The following MICU1 variants were observed in gnomAD, a reference collection of about 807,000 sequenced individuals.
MICU1 encodes calcium uptake protein 1, mitochondrial.
MICU1 carries 45 observed loss-of-function variants against 56.8 expected under a neutral mutation model. That is an observed-to-expected ratio of 0.79 (90% CI 0.62 to 1.02). The LOEUF (loss-of-function observed/expected upper bound fraction) is 1.02, where lower values mean the gene tolerates loss of function less well. Among genes scored for constraint, MICU1 ranks in the 50% least tolerant of loss-of-function variants. The pLI, the probability that MICU1 is intolerant of heterozygous loss-of-function variation, is 0.00. For synonymous variants in MICU1, 186 were observed against 195.1 expected (o/e 0.95, Z 0.39); for missense variants, 504 against 587.1 (o/e 0.86, Z 1.46).
intron 4 of MICU1, among the ~76,000 whole-genome samples, chr10:72,546,776 A>G (rs562636099): frequency 6.6e-6 from 1 of 152,142 alleles, no homozygotes; most frequent in South Asian, 2.1e-4. Context: ...CCCAGGCTGG[A>G]GTACAGTGGC....
chr10:72,401,040 G>T (rs1290712481), intron 10 of MICU1, among the ~76,000 whole-genome samples: 1 of 152,128 alleles, frequency 6.6e-6, no homozygotes, highest in African/African-American at 2.4e-5. Flanking sequence ...GGGCTCAAGA[G>T]ATCCTCCTGC....
intron 1 of MICU1, among the ~76,000 whole-genome samples, chr10:72,624,013 A>T (rs1236870829): frequency 3.9e-5 from 6 of 152,232 alleles, no homozygotes; most frequent in Non-Finnish European, 8.8e-5. Context: ...AAAATGGCTC[A>T]AGAGATAAAG....
intron 1 of MICU1, among the ~76,000 whole-genome samples, chr10:72,598,770 T>C (rs542733594): frequency 9.1e-4 from 139 of 152,172 alleles, no homozygotes; most frequent in Non-Finnish European, 1.2e-3. Flanking sequence ...AAAATAATAC[T>C]ACCTTAAAAT....
rs147180362 is a variant in MICU1 at position 72,374,901 on chromosome 10, C to G, written c.1270+882G>C. 3.0e-3 allele frequency among the ~76,000 whole-genome samples: 438 copies of G among 147,806 alleles called. 2 individuals carry two copies. The highest frequency in any genetic ancestry group is 0.011 in the African/African-American group (415 of 39,322). On this transcript the variant is annotated intron_variant, in intron 11 of 11. Transcript: ENST00000361114. The stretch of plus-strand genomic sequence containing the variant: ...GCACGATCTCTGCTCCCTGCTGCCT[C>G]CCGGGTTCAAGTGATTCTCTTGCCT...
intron 11 of MICU1, among the ~76,000 whole-genome samples, chr10:72,368,884 G>A (rs549156144): frequency 1.1e-4 from 16 of 152,188 alleles, no homozygotes; most frequent in Non-Finnish European, 2.1e-4. Flanking sequence ...GCATAAGCAT[G>A]AGTACAGGCA....
At chr10:72,575,301 A>G (rs1287120000) in intron 1 of MICU1, among the ~76,000 whole-genome samples, 1 of 152,234 alleles carries the variant, frequency 6.6e-6, no homozygotes, top group Non-Finnish European at 1.5e-5. Flanking sequence ...TCATCCTAAT[A>G]TCTGTAACTT....
chr10:72,476,632 T>C (rs1420929775), intron 7 of MICU1, among the ~76,000 whole-genome samples: 1 of 152,200 alleles, frequency 6.6e-6, no homozygotes, highest in African/African-American at 2.4e-5. Flanking sequence ...TTCCTATACA[T>C]ACAGTTTTTC....
At chr10:72,410,790 A>G (rs1408114722) in intron 9 of MICU1, among the ~76,000 whole-genome samples, 2 of 152,212 alleles carry the variant, frequency 1.3e-5, no homozygotes, top group Non-Finnish European at 2.9e-5. Flanking sequence ...GTTAGGTCTC[A>G]TTATGCATAC....
At chr10:72,528,431 A>G (rs1478664827) in intron 5 of MICU1, among the ~76,000 whole-genome samples, 3 of 152,228 alleles carry the variant, frequency 2.0e-5, no homozygotes, top group Non-Finnish European at 4.4e-5. Context: ...ACATATTCAT[A>G]TTTAGCCAAA....
intron 3 of MICU1, among the ~76,000 whole-genome samples, chr10:72,562,310 T>A (rs1840320902): frequency 6.6e-6 from 1 of 151,968 alleles, no homozygotes; most frequent in African/African-American, 2.4e-5. Flanking sequence ...CATGCCACCA[T>A]GCCAGGCTAG....
intron 1 of MICU1, among the ~76,000 whole-genome samples, chr10:72,582,089 CTGGGT>C (rs2132508670): frequency 6.6e-6 from 1 of 152,242 alleles, no homozygotes. Context: ...GCCACCACGC[CTGGGT>C]AATTTTGTAC....
At chr10:72,574,281 G>A (rs1840687975) in intron 1 of MICU1, among the ~76,000 whole-genome samples, 1 of 152,178 alleles carries the variant, frequency 6.6e-6, no homozygotes, top group Non-Finnish European at 1.5e-5. Context: ...GTAATCTCAA[G>A]TACTTTGGGA....
rs1317164453 is a variant in MICU1 at position 72,586,002 on chromosome 10, TTTTTTTTTTTC to T, written c.-1-19219_-1-19209del. Among the ~76,000 whole-genome samples, 367 of 128,972 alleles carry T rather than the reference TTTTTTTTTTTC, an allele frequency of 2.8e-3. 3 individuals are homozygous for T. Among genetic ancestry groups the T allele is most frequent in the African/African-American group, 9.7e-3 (340 of 34,998 alleles). 84.6% of individuals were successfully genotyped at this position (128,972 alleles called of 152,430 possible). Reference sequence around the variant, plus strand: ...TTCATTGTATTGTTTTTATTTTTTCTTTTTTTTTTTCTTTTTTTTTTTTTTTTTTTGAGACA... The same window carrying T: ...TTCATTGTATTGTTTTTATTTTTTCTTTTTTTTTTTTTTTTTTTTGAGACA... On this transcript the variant is annotated intron_variant, in intron 1 of 11. Coordinates refer to ENST00000361114, the MANE Select transcript of MICU1 (RefSeq NM_001195518.2).
At chr10:72,470,991 C>A (rs1009424163) in intron 8 of MICU1, among the ~76,000 whole-genome samples, 20 of 152,200 alleles carry the variant, frequency 1.3e-4, no homozygotes, top group Non-Finnish European at 1.5e-5. Flanking sequence ...TCTTTTACAT[C>A]TCTTTTCTTC....
chr10:72,571,085 T>C (rs1840599008), intron 1 of MICU1, among the ~76,000 whole-genome samples: 2 of 152,198 alleles, frequency 1.3e-5, no homozygotes, highest in Non-Finnish European at 1.5e-5. Context: ...TGGAACAGGA[T>C]GAGTGCAGTG....
At chr10:72,431,485 GT>G (rs1215140227) in intron 8 of MICU1, among the ~76,000 whole-genome samples, 2 of 152,046 alleles carry the variant, frequency 1.3e-5, no homozygotes, top group Non-Finnish European at 2.9e-5. Context: ...ATTATTGTCA[GT>G]TTTTTGCTAT....
intron 8 of MICU1, among the ~76,000 whole-genome samples, chr10:72,470,426 G>A (rs1428638143): frequency 6.6e-6 from 1 of 152,120 alleles, no homozygotes; most frequent in African/African-American, 2.4e-5. Context: ...AAGTTTATTT[G>A]GCTCATGGTT....
At chr10:72,494,128 A>G (rs1027741092) in intron 6 of MICU1, among the ~76,000 whole-genome samples, 4 of 152,130 alleles carry the variant, frequency 2.6e-5, no homozygotes, top group African/African-American at 9.7e-5. Flanking sequence ...ACTTTACCTC[A>G]TACAGTTTTG....
intron 1 of MICU1, among the ~76,000 whole-genome samples, chr10:72,571,061 G>A (rs1378777919): frequency 6.6e-6 from 1 of 152,106 alleles, no homozygotes; most frequent in African/African-American, 2.4e-5. Flanking sequence ...ATAAATAACA[G>A]CCAATTCAAA....
Sources: allele counts gnomAD v4.1 joint callset (sites outside exome capture counted in the v4.1 genomes callset), GRCh38; gene constraint gnomAD v4.1.1; transcripts MANE v1.5; gene names NCBI Gene and HGNC (gene_info 2026-07-23, HGNC 2026-07-21).